The following INSYN2A variants were observed in gnomAD, a reference collection of about 807,000 sequenced individuals.
INSYN2A encodes family with sequence similarity 196 member A.
Under a neutral mutation model 39.4 loss-of-function variants are expected in INSYN2A, and 17 were observed. The ratio of observed to expected loss-of-function variants is 0.43; its 90% CI spans 0.30 to 0.65. INSYN2A has a LOEUF of 0.65. Ranked by LOEUF, INSYN2A falls within the 30% of genes least tolerant of loss-of-function variation. INSYN2A has a pLI of 0.14. For synonymous variants in INSYN2A, 255 were observed against 265.7 expected (o/e 0.96, Z 0.39); for missense variants, 595 against 631.2 (o/e 0.94, Z 0.61).
intron 2 of INSYN2A, among the ~76,000 whole-genome samples, chr10:127,179,127 T>C (rs1177669059): frequency 3.3e-5 from 5 of 152,208 alleles, no homozygotes. Flanking sequence ...CTGAAAAATG[T>C]GTGTCTGAAT....
In INSYN2A at chr10:127,175,906, C is replaced by T. The variant is rs755851502; in HGVS notation, c.490G>A (p.Ala164Thr). The change falls in exon 4 of 6, where the codon GCG becomes ACG. Residue 164 changes from alanine to threonine, a missense_variant. By Grantham distance (58) the Ala-to-Thr change is moderately conservative. Around this residue, in one of 2 missense-constraint regions of INSYN2A, gnomAD observed 478 missense variants for 467.4 expected, o/e 1.02. Transcript: ENST00000522781. This position sits in a 1 kb window ranked among gnomAD's most constrained non-coding sequence, Gnocchi z 6.3. The part of the protein sequence containing the change: ...GPMEEARPCG[A>T]GRVHKTTALV... ...GCTGTGGTCTTGTGCACCCGCCCCG[C>T]GCCACATGGCCGGGCCTCCTCCATG... 79 of 1,614,052 alleles carry T rather than the reference C, an allele frequency of 4.9e-5. No individual in the cohort carries two copies. The highest frequency in any genetic ancestry group is 6.2e-5 in the Non-Finnish European group (73 of 1,180,048).
Position 127,164,578 on chromosome 10 carries a change from G to T in INSYN2A, c.1184+10634C>A, listed in dbSNP as rs997331450. ...AGCCATCATGCATGATGAAGAAAATGGAATGCATCAGTATTTTATAGACAT... is the reference window on the plus strand; with the variant it reads ...AGCCATCATGCATGATGAAGAAAATTGAATGCATCAGTATTTTATAGACAT... On this transcript the variant is annotated intron_variant, in intron 4 of 5. Transcript: ENST00000522781. 2.6e-5 allele frequency among the ~76,000 whole-genome samples: 4 copies of T among 152,168 alleles called. No homozygotes were observed. In the East Asian group the frequency reaches 7.7e-4, roughly 29 times the overall value.
chr10:127,149,828 C>T (rs2133441415), intron 5 of INSYN2A, among the ~76,000 whole-genome samples: 1 of 152,238 alleles, frequency 6.6e-6, no homozygotes, highest in South Asian at 2.1e-4. Flanking sequence ...CTACCCAATC[C>T]CGGGGTGTTC....
intron 4 of INSYN2A, 138 bp from the exon 5 acceptor site, chr10:127,154,061 GT>G: frequency 3.1e-6 from 2 of 641,950 alleles, no homozygotes; most frequent in South Asian, 3.8e-5. Flanking sequence ...ATGCTTCCCA[GT>G]TTGCTCCTGT....
chr10:127,142,250 G>A lies in INSYN2A; in HGVS notation c.1257-4230C>T, dbSNP rs80207270. On this transcript the variant is annotated intron_variant, in intron 5 of 5. Coordinates refer to ENST00000522781, the MANE Select transcript of INSYN2A (RefSeq NM_001039762.3). Reference sequence around the variant, plus strand: ...CAGGGGCTCATTCTACAGCCACACGGGCACGTGGGAAGCCGGGGCTCCAAA... The same window carrying A: ...CAGGGGCTCATTCTACAGCCACACGAGCACGTGGGAAGCCGGGGCTCCAAA... 5.3e-4 allele frequency among the ~76,000 whole-genome samples: 80 copies of A among 152,328 alleles called. No homozygotes were observed. The East Asian group carries it at 9.9e-3, about 19-fold the overall frequency.
chr10:127,156,129 C>G (rs2053019593), intron 4 of INSYN2A, among the ~76,000 whole-genome samples: 2 of 152,268 alleles, frequency 1.3e-5, no homozygotes, highest in African/African-American at 4.8e-5. Context: ...ACCTTCCTGC[C>G]CTAAACCTCA....
intron 5 of INSYN2A, among the ~76,000 whole-genome samples, chr10:127,150,412 A>T (rs1025182483): frequency 1.3e-5 from 2 of 152,200 alleles, no homozygotes; most frequent in African/African-American, 4.8e-5. Context: ...CCACCAGGGC[A>T]GAATCACACA....
rs1192865360 is a variant in INSYN2A at position 127,175,576 on chromosome 10, CAG to C, written c.818_819del (p.Ser273CysfsTer13). On this transcript the variant is annotated frameshift_variant, in exon 4 of 6. Coordinates refer to ENST00000522781, the MANE Select transcript of INSYN2A (RefSeq NM_001039762.3). LOFTEE classifies it high-confidence loss of function. The surrounding 1 kb of genome is among the most constrained non-coding windows in gnomAD (Gnocchi z 6.3). Reference sequence around the variant, plus strand: ...CAGAGTGACCACTGGCTGGCGGCTGCAGAGTCTGACAAACCAGGCTCGGGGGC... The same window carrying C: ...CAGAGTGACCACTGGCTGGCGGCTGCAGTCTGACAAACCAGGCTCGGGGGC... ...ARAPEPGLSD[S>X]AAASQWSLCP... 6.2e-7 allele frequency: 1 copy of C among 1,612,016 alleles called. No homozygotes were observed. The highest frequency in any genetic ancestry group is 8.5e-7 in the Non-Finnish European group (1 of 1,179,892).
chr10:127,150,170 G>A (rs2052348089), intron 5 of INSYN2A, among the ~76,000 whole-genome samples: 1 of 152,160 alleles, frequency 6.6e-6, no homozygotes, highest in Non-Finnish European at 1.5e-5. Context: ...CATGTACACT[G>A]CTACTGAGTC....
chr10:127,191,923 T>C (rs1042074399), intron 2 of INSYN2A, among the ~76,000 whole-genome samples: 2 of 152,248 alleles, frequency 1.3e-5, no homozygotes, highest in Non-Finnish European at 2.9e-5. Context: ...CAGCATTCCG[T>C]AGCCTCCTTC....
rs1226753881 is a variant in INSYN2A, at chr10:127,136,149, G to GT, written c.*1687dup. The GT allele has an allele frequency of 5.3e-5, 8 of 151,966 alleles. No individual in the cohort carries two copies. Among genetic ancestry groups the GT allele is most frequent in the African/African-American group, 9.7e-5 (4 of 41,328 alleles). 9.4% of individuals were successfully genotyped at this position (151,966 alleles called of 1,614,324 possible). ...AATTAAAGCATACAACTGCAGTGTT[G>GT]TTTGGCCCCCGAAGAATGTTTACAC... On this transcript the variant is annotated 3_prime_UTR_variant, in exon 6 of 6. Transcript: ENST00000522781.
chr10:127,175,893 T>C lies in INSYN2A; in HGVS notation c.503A>G (p.His168Arg). 2 of 1,614,194 alleles carry C rather than the reference T, an allele frequency of 1.2e-6. No homozygotes were observed. Among genetic ancestry groups the C allele is most frequent in the Non-Finnish European group, 1.7e-6 (2 of 1,180,034 alleles). The part of the protein sequence containing the change: ...EARPCGAGRV[H>R]KTTALVFHSN... ...ATGGAAAACCAAGGCTGTGGTCTTG[T>C]GCACCCGCCCCGCGCCACATGGCCG... The change falls in exon 4 of 6, where the codon CAC (histidine) becomes CGC (arginine). Residue 168 changes from histidine (H) to arginine (R), a missense_variant. Physicochemically the swap from His to Arg is conservative, Grantham distance 29. Transcript: ENST00000522781. This position sits in a 1 kb window ranked among gnomAD's most constrained non-coding sequence, Gnocchi z 6.3.
intron 5 of INSYN2A, chr10:127,145,885 G>A (rs532516077): frequency 8.6e-5 from 37 of 429,806 alleles, no homozygotes; most frequent in Admixed American, 7.8e-4. Flanking sequence ...GGTGTCACCA[G>A]TGACCGGTCT....
intron 5 of INSYN2A, among the ~76,000 whole-genome samples, chr10:127,146,670 C>T (rs186529680): frequency 5.9e-5 from 9 of 152,162 alleles, no homozygotes; most frequent in Admixed American, 2.6e-4. Context: ...AGGCAAAAGG[C>T]GAATTTCCCC....
At position 127,175,955 on chromosome 10, in the gene INSYN2A, C is replaced by T. The variant is rs147680044; in HGVS notation, c.441G>A (p.Ala147=). 82 of 1,614,100 alleles carry T rather than the reference C, an allele frequency of 5.1e-5. No homozygotes were observed. The African/African-American group carries it at 6.7e-4, about 13-fold the overall frequency. Residue 147 remains alanine, a synonymous_variant, in exon 4 of 6, where the codon GCG becomes GCA. Coordinates refer to ENST00000522781, the MANE Select transcript of INSYN2A (RefSeq NM_001039762.3). This position sits in a 1 kb window ranked among gnomAD's most constrained non-coding sequence, Gnocchi z 6.3. ...KSQNNGFLTD[A]KEKNEAGPME... ...TGGGTCCAGCCTCGTTCTTCTCTTT[C>T]GCATCTGTTAGAAACCCATTGTTTT...
chr10:127,147,678 C>A (rs1277220813), intron 5 of INSYN2A, among the ~76,000 whole-genome samples: 1 of 152,002 alleles, frequency 6.6e-6, no homozygotes, highest in African/African-American at 2.4e-5. Context: ...TCAATTAATA[C>A]CCTTTAGGAC....
At chr10:127,185,954 T>C (rs2056193144) in intron 2 of INSYN2A, among the ~76,000 whole-genome samples, 1 of 152,232 alleles carries the variant, frequency 6.6e-6, no homozygotes, top group Admixed American at 6.5e-5. Flanking sequence ...TGTTCTTATA[T>C]TACTCAACTT....
intron 2 of INSYN2A, among the ~76,000 whole-genome samples, chr10:127,177,729 A>T (rs182422361): frequency 1.3e-5 from 2 of 152,362 alleles, no homozygotes; most frequent in East Asian, 3.9e-4. Flanking sequence ...CTCATTGGAA[A>T]ATGCCACAAG....
intron 4 of INSYN2A, among the ~76,000 whole-genome samples, chr10:127,163,235 A>T (rs1340881608): frequency 6.6e-6 from 1 of 152,166 alleles, no homozygotes; most frequent in East Asian, 1.9e-4. Flanking sequence ...ACTTCTGCAG[A>T]TCGGGGCTTG....
Sources: gnomAD v4.1 joint callset for allele counts (sites outside exome capture counted in the v4.1 genomes callset) on GRCh38, gnomAD v4.1.1 for gene constraint, gnomAD v4.1.1 regional missense constraint, Gnocchi (gnomAD v3.1) non-coding constraint, MANE v1.5 for transcripts, NCBI Gene and HGNC (gene_info 2026-07-23, HGNC 2026-07-21) for gene names.